The following PPARGC1A variants were observed in gnomAD, a reference collection of about 807,000 sequenced individuals.
The protein encoded by PPARGC1A is peroxisome proliferator-activated receptor gamma coactivator 1-alpha.
PPARGC1A carries 25 observed loss-of-function variants against 88.7 expected under a neutral mutation model. That is an observed-to-expected ratio of 0.28 (90% CI 0.21 to 0.39). The LOEUF is 0.39. Ranked by LOEUF, PPARGC1A falls within the 10% of genes least tolerant of loss-of-function variation. The pLI, the probability that PPARGC1A is intolerant of heterozygous loss-of-function variation, is 1.00. For missense variants in PPARGC1A, 880 were observed against 968.7 expected (o/e 0.91, Z 1.22); for synonymous variants, 363 against 355.6 (o/e 1.02, Z -0.24).
At chr4:24,371,424 G>A in the PPARGC1A span, among the ~76,000 whole-genome samples, 15 of 152,084 alleles carry the variant, frequency 9.9e-5, no homozygotes, top group African/African-American at 3.6e-4. Flanking sequence ...CAAAACAATC[G>A]AGTTGCTTAG....
At chr4:24,116,095 T>C in the PPARGC1A span, among the ~76,000 whole-genome samples, 3 of 152,224 alleles carry the variant, frequency 2.0e-5, no homozygotes, top group South Asian at 2.1e-4. Context: ...TGCATTTAAA[T>C]ATCCTAAGCA....
At position 23,810,744 on chromosome 4, in the gene PPARGC1A, T is replaced by G. The variant is rs550273268; in HGVS notation, c.2019+2003A>C. Among the ~76,000 whole-genome samples the G allele has an allele frequency of 2.6e-5, 4 of 152,236 alleles. No homozygotes were observed. In the South Asian group the frequency reaches 6.2e-4, roughly 24 times the overall value. ...TAATGTCCTATTTTTGGGGGAAAAA[T>G]GAAGGATTTTATAAAATATAAATTT... On this transcript the variant is annotated intron_variant, in intron 10 of 12. Coordinates refer to ENST00000264867, the MANE Select transcript of PPARGC1A (RefSeq NM_013261.5).
chr4:24,245,649 G>T, the PPARGC1A span, among the ~76,000 whole-genome samples: 1 of 152,144 alleles, frequency 6.6e-6, no homozygotes, highest in Non-Finnish European at 1.5e-5. Flanking sequence ...TTGACAACCT[G>T]CCAGCTTGCA....
chr4:24,314,784 A>G, the PPARGC1A span, among the ~76,000 whole-genome samples: 1 of 152,144 alleles, frequency 6.6e-6, no homozygotes, highest in Non-Finnish European at 1.5e-5. Flanking sequence ...TATTAAGTTG[A>G]TTATTGTTGA....
the PPARGC1A span, among the ~76,000 whole-genome samples, chr4:24,407,037 G>A: frequency 6.6e-6 from 1 of 152,010 alleles, no homozygotes; most frequent in Non-Finnish European, 1.5e-5. Context: ...AGCTATGGTG[G>A]CCATAGATAC....
chr4:24,427,776 A>T, the PPARGC1A span, among the ~76,000 whole-genome samples: 3 of 151,978 alleles, frequency 2.0e-5, no homozygotes, highest in South Asian at 6.3e-4. Flanking sequence ...AATGAATGTA[A>T]AGGTCAGGAG....
At position 23,852,179 on chromosome 4, in the gene PPARGC1A, C is replaced by A. The variant is rs537385752; in HGVS notation, c.235-20428G>T. Among the ~76,000 whole-genome samples the A allele has an allele frequency of 3.2e-4, 48 of 152,262 alleles. No individual in the cohort carries two copies. The South Asian group carries it at 9.3e-3, about 30-fold the overall frequency. On this transcript the variant is annotated intron_variant, in intron 2 of 12. Coordinates refer to ENST00000264867, the MANE Select transcript of PPARGC1A (RefSeq NM_013261.5). ...TGTAGAATTATTTCATTCTTTCTAG[C>A]TCAAGTTTCAAACTAGAGGTCTTCA...
At chr4:24,317,711 C>T in the PPARGC1A span, among the ~76,000 whole-genome samples, 1 of 151,520 alleles carries the variant, frequency 6.6e-6, no homozygotes, top group Non-Finnish European at 1.5e-5. Flanking sequence ...AGAGCTGTGG[C>T]TGCTGTTCTC....
At chr4:23,860,963 T>C (rs1385069151) in intron 2 of PPARGC1A, among the ~76,000 whole-genome samples, 2 of 152,192 alleles carry the variant, frequency 1.3e-5, no homozygotes, top group Non-Finnish European at 2.9e-5. Flanking sequence ...GTAATACCAG[T>C]TGCATGCTTG....
chr4:24,098,972 T>C, the PPARGC1A span, among the ~76,000 whole-genome samples: 1 of 152,210 alleles, frequency 6.6e-6, no homozygotes, highest in Non-Finnish European at 1.5e-5. Flanking sequence ...CCCAATTCAG[T>C]ATAAAACTAA....
the PPARGC1A span, among the ~76,000 whole-genome samples, chr4:24,314,340 A>C: frequency 2.0e-5 from 3 of 152,202 alleles, no homozygotes; most frequent in East Asian, 3.9e-4. Context: ...TTAAGTCATG[A>C]GGGTTCTGCC....
At chr4:24,415,367 C>T in the PPARGC1A span, among the ~76,000 whole-genome samples, 1 of 152,008 alleles carries the variant, frequency 6.6e-6, no homozygotes, top group Non-Finnish European at 1.5e-5. Context: ...TGTCTATTAC[C>T]AATAGCCACA....
At chr4:24,192,225 A>G in the PPARGC1A span, among the ~76,000 whole-genome samples, 7 of 152,332 alleles carry the variant, frequency 4.6e-5, no homozygotes, top group South Asian at 4.2e-4. Flanking sequence ...TCCTCCAGAC[A>G]TGTGACCTTG....
At chr4:24,055,708 G>A in the PPARGC1A span, among the ~76,000 whole-genome samples, 5 of 152,246 alleles carry the variant, frequency 3.3e-5, no homozygotes, top group African/African-American at 4.8e-5. Flanking sequence ...GCCCCACATC[G>A]TAGTTGAAGT....
the PPARGC1A span, among the ~76,000 whole-genome samples, chr4:23,997,856 G>A: frequency 1.3e-5 from 2 of 152,118 alleles, no homozygotes; most frequent in Non-Finnish European, 2.9e-5. Flanking sequence ...AGTATTTTGA[G>A]TTAATATTGA....
the PPARGC1A span, among the ~76,000 whole-genome samples, chr4:24,407,647 A>G: frequency 4.6e-5 from 7 of 152,202 alleles, no homozygotes; most frequent in Non-Finnish European, 8.8e-5. Context: ...AATCCTGGAA[A>G]CAAGAACTAA....
chr4:24,008,862 G>A, the PPARGC1A span, among the ~76,000 whole-genome samples: 2 of 152,160 alleles, frequency 1.3e-5, no homozygotes, highest in Admixed American at 1.3e-4. Context: ...AACTGAAGAT[G>A]TTATTATTCT....
At chr4:24,147,924 A>G in the PPARGC1A span, among the ~76,000 whole-genome samples, 1 of 152,146 alleles carries the variant, frequency 6.6e-6, no homozygotes, top group Admixed American at 6.5e-5. Flanking sequence ...AGCTTGGGCT[A>G]CAGAGTGAGA....
the PPARGC1A span, among the ~76,000 whole-genome samples, chr4:24,466,394 G>A: frequency 2.0e-5 from 3 of 152,324 alleles, no homozygotes; most frequent in Admixed American, 1.3e-4. Flanking sequence ...AGTGAGTACA[G>A]TGGGGATAAG....
Sources: allele counts gnomAD v4.1 joint callset (sites outside exome capture counted in the v4.1 genomes callset), GRCh38; gene constraint gnomAD v4.1.1; transcripts MANE v1.5; gene names NCBI Gene and HGNC (gene_info 2026-07-23, HGNC 2026-07-21).